XKR6: variants seen among roughly 807,000 people sequenced by gnomAD.
XKR6 encodes XK-related protein 6.
A neutral mutation model predicts 56.7 loss-of-function variants in XKR6; 22 were observed. The observed-to-expected ratio is 0.39, with a 90% confidence interval of 0.28 to 0.55. XKR6 has a LOEUF of 0.55. Among genes scored for constraint, XKR6 ranks in the 20% least tolerant of loss-of-function variants. The pLI, the probability that XKR6 is intolerant of heterozygous loss-of-function variation, is 0.66. For missense variants in XKR6, 852 were observed against 889.0 expected, an observed-to-expected ratio of 0.96 and a Z score of 0.53; for synonymous variants, 524 against 387.8, an observed-to-expected ratio of 1.35 and a Z score of -4.13.
intron 2 of XKR6, among the ~76,000 whole-genome samples, chr8:10,903,751 G>A (rs1165407251): frequency 6.6e-6 from 1 of 152,156 alleles, no homozygotes; most frequent in Non-Finnish European, 1.5e-5. Flanking sequence ...GGAGGCCTCA[G>A]GAGAGACTTC....
intron 1 of XKR6, among the ~76,000 whole-genome samples, chr8:11,141,106 AACAC>A (rs950719377): frequency 1.3e-5 from 2 of 152,170 alleles, no homozygotes; most frequent in Admixed American, 1.3e-4. Context: ...ACAACAATTA[AACAC>A]ACAGGAGAAG....
chr8:11,009,020 G>T (rs1046437982), intron 1 of XKR6, among the ~76,000 whole-genome samples: 6 of 150,966 alleles, frequency 4.0e-5, no homozygotes, highest in African/African-American at 1.2e-4. Flanking sequence ...GCATATAGGG[G>T]TGTTGTTACC....
chr8:11,147,391 C>A (rs998079462), intron 1 of XKR6, among the ~76,000 whole-genome samples: 1 of 152,128 alleles, frequency 6.6e-6, no homozygotes, highest in Non-Finnish European at 1.5e-5. Context: ...GGCGGCCAGG[C>A]GCGGTGGCTC....
chr8:11,122,433 C>A (rs1158260162), intron 1 of XKR6, among the ~76,000 whole-genome samples: 1 of 152,242 alleles, frequency 6.6e-6, no homozygotes, highest in Non-Finnish European at 1.5e-5. Flanking sequence ...GAGGCATAAT[C>A]ATGTCAGCAT....
chr8:10,984,695 G>GCTCTCTCTCTCTCTCT lies in XKR6; in HGVS notation c.765-59881_765-59866dup, dbSNP rs61138077. Among the ~76,000 whole-genome samples, 32 of 56,316 alleles carry GCTCTCTCTCTCTCTCT rather than the reference G, an allele frequency of 5.7e-4. 1 individual carries two copies. Among genetic ancestry groups the GCTCTCTCTCTCTCTCT allele is most frequent in the South Asian group, 7.7e-4 (1 of 1,300 alleles). 36.9% of individuals were successfully genotyped at this position (56,316 alleles called of 152,430 possible). The stretch of plus-strand genomic sequence containing the variant: ...AGTAACACAAAAGATAAAATACATG[G>GCTCTCTCTCTCTCTCT]CTCTCTCTCTCTCTCTCTCTCTCTC... On this transcript the variant is annotated intron_variant, in intron 1 of 2. Coordinates refer to ENST00000416569, the MANE Select transcript of XKR6 (RefSeq NM_173683.4).
In XKR6 at chr8:10,897,303, A is replaced by G. The variant is rs1799910779; in HGVS notation, c.*649T>C. ...TGCTTTTGGTAAATTTGTTTTCTTC[A>G]ATACAAATAATCAGATAGGAAGAAT... On this transcript the variant is annotated 3_prime_UTR_variant, in exon 3 of 3. Coordinates refer to ENST00000416569, the MANE Select transcript of XKR6 (RefSeq NM_173683.4). 1 of 152,578 alleles carries G rather than the reference A, an allele frequency of 6.6e-6. No homozygotes were observed. The highest frequency in any genetic ancestry group is 2.4e-5 in the African/African-American group (1 of 41,456). 9.5% of individuals were successfully genotyped at this position (152,578 alleles called of 1,614,324 possible). A position where few individuals can be genotyped will look rare whatever the true frequency, so the allele number is the denominator to read the frequency against.
chr8:11,118,000 G>A (rs907755417), intron 1 of XKR6, among the ~76,000 whole-genome samples: 9 of 152,240 alleles, frequency 5.9e-5, no homozygotes, highest in African/African-American at 1.9e-4. Flanking sequence ...ACCGTTAGGA[G>A]AGGTATACAC....
At chr8:11,073,987 G>T (rs115427937) in intron 1 of XKR6, among the ~76,000 whole-genome samples, 8 of 152,144 alleles carry the variant, frequency 5.3e-5, no homozygotes, top group African/African-American at 1.7e-4. Flanking sequence ...TGTTCGGCTG[G>T]TTTGAAGAAG....
chr8:11,028,532 A>G (rs1798920898), intron 1 of XKR6, among the ~76,000 whole-genome samples: 1 of 152,198 alleles, frequency 6.6e-6, no homozygotes, highest in Non-Finnish European at 1.5e-5. Context: ...TAGCTGTACT[A>G]TTTTGAGTTC....
chr8:10,986,506 T>C (rs1797866977), intron 1 of XKR6, among the ~76,000 whole-genome samples: 1 of 152,206 alleles, frequency 6.6e-6, no homozygotes, highest in African/African-American at 2.4e-5. Flanking sequence ...AAAAGTTTAA[T>C]GAGAATTTTT....
In XKR6 at chr8:11,200,550, C is replaced by G; in HGVS notation, c.764+26G>C. 6.9e-7 allele frequency: 1 copy of G among 1,438,926 alleles called. No homozygotes were observed. Among genetic ancestry groups the G allele is most frequent in the South Asian group, 1.5e-5 (1 of 66,514 alleles). 89.1% of individuals were successfully genotyped at this position (1,438,926 alleles called of 1,614,324 possible). ...CGGAGGGGGGCTCCTCAGGGCCGGC[C>G]CGCCCCCACCCCGCAGTGCTCTTAC... On this transcript the variant is annotated intron_variant, in intron 1 of 2. Transcript: ENST00000416569. This position sits in a 1 kb window ranked among gnomAD's most constrained non-coding sequence, Gnocchi z 6.4.
At chr8:11,107,674 A>G (rs964567410) in intron 1 of XKR6, 7 of 152,686 alleles carry the variant, frequency 4.6e-5, no homozygotes, top group African/African-American at 1.7e-4. Context: ...CAATACTTCA[A>G]AAGCATGCAC....
intron 1 of XKR6, among the ~76,000 whole-genome samples, chr8:11,139,922 C>T (rs757048906): frequency 4.6e-5 from 7 of 152,026 alleles, no homozygotes; most frequent in Non-Finnish European, 8.8e-5. Context: ...TCAAACTGAG[C>T]TAAAGTATGT....
At chr8:11,190,086 G>A (rs1431617217) in intron 1 of XKR6, among the ~76,000 whole-genome samples, 1 of 152,002 alleles carries the variant, frequency 6.6e-6, no homozygotes, top group Non-Finnish European at 1.5e-5. Context: ...GAACTCAGGA[G>A]GCAGAGGTTG....
intron 1 of XKR6, among the ~76,000 whole-genome samples, chr8:11,049,771 A>G (rs1799498771): frequency 6.6e-6 from 1 of 152,178 alleles, no homozygotes; most frequent in East Asian, 1.9e-4. Context: ...AAAAAAAGTT[A>G]ACCAAATCTG....
intron 1 of XKR6, chr8:11,105,299 G>C (rs1194868160): frequency 1.3e-5 from 2 of 152,174 alleles, no homozygotes; most frequent in Non-Finnish European, 2.9e-5. Context: ...ATACATTAGA[G>C]AAAAGGACAT....
chr8:10,936,262 T>C (rs1348777773), intron 1 of XKR6, among the ~76,000 whole-genome samples: 6 of 150,678 alleles, frequency 4.0e-5, no homozygotes, highest in Non-Finnish European at 3.0e-5. Context: ...GGTAGATCTT[T>C]CTCCATCCTT....
At chr8:10,907,715 G>A (rs1800221528) in intron 2 of XKR6, among the ~76,000 whole-genome samples, 1 of 152,176 alleles carries the variant, frequency 6.6e-6, no homozygotes, top group African/African-American at 2.4e-5. Flanking sequence ...TATCATTGAG[G>A]CTTATACATC....
At chr8:11,036,329 C>T (rs1226111756) in intron 1 of XKR6, among the ~76,000 whole-genome samples, 1 of 152,234 alleles carries the variant, frequency 6.6e-6, no homozygotes, top group African/African-American at 2.4e-5. Flanking sequence ...CCAATCTCTT[C>T]ATGTCTCAGA....
Sources: gnomAD v4.1 joint callset for allele counts (sites outside exome capture counted in the v4.1 genomes callset) on GRCh38, gnomAD v4.1.1 for gene constraint, Gnocchi (gnomAD v3.1) non-coding constraint, MANE v1.5 for transcripts, NCBI Gene and HGNC (gene_info 2026-07-23, HGNC 2026-07-21) for gene names.